PCDHA7: variants seen among roughly 807,000 people sequenced by gnomAD.
The protein encoded by PCDHA7 is protocadherin alpha 7.
A neutral mutation model predicts 57.2 loss-of-function variants in PCDHA7; 37 were observed. The observed-to-expected ratio is 0.65, with a 90% CI of 0.50 to 0.85. The LOEUF (loss-of-function observed/expected upper bound fraction) is 0.85, where lower values mean the gene tolerates loss of function less well. PCDHA7 is among the 40% of genes least tolerant of loss of function. The pLI is 0.00. For synonymous variants in PCDHA7, 553 were observed against 558.8 expected, an observed-to-expected ratio of 0.99 and a Z score of 0.15; for missense variants, 1,188 against 1,241.8, an observed-to-expected ratio of 0.96 and a Z score of 0.65.
At chr5:140,842,696 G>C in intron 1 of PCDHA7, 1 of 1,595,300 alleles carries the variant, frequency 6.3e-7, no homozygotes, top group Non-Finnish European at 8.6e-7. Context: ...CGCGCAGCCC[G>C]AGTACACGGT....
intron 1 of PCDHA7, chr5:140,876,391 G>T: frequency 6.2e-7 from 1 of 1,613,920 alleles, no homozygotes; most frequent in South Asian, 1.1e-5. Context: ...AATTTATGGT[G>T]AACTGGATTT....
In PCDHA7 at chr5:140,842,523, T is replaced by A. The variant is rs201459051; in HGVS notation, c.2355+5785T>A. The A allele has an allele frequency of 5.0e-5, 81 of 1,613,306 alleles. 4 individuals are homozygous for A. Among genetic ancestry groups the A allele is most frequent in the Non-Finnish European group, 3.3e-5 (39 of 1,179,452 alleles). ...GTCCCCTTCAAGCTGGTGTCCACCT[T>A]CAAGAATTACTACTCGTTGGTGCTG... On this transcript the variant is annotated intron_variant, in intron 1 of 3. Coordinates refer to ENST00000525929, the MANE Select transcript of PCDHA7 (RefSeq NM_018910.3).
intron 1 of PCDHA7, among the ~76,000 whole-genome samples, chr5:140,962,849 T>G (rs1434907172): frequency 6.6e-6 from 1 of 152,214 alleles, no homozygotes; most frequent in Non-Finnish European, 1.5e-5. Context: ...ATATAACTTG[T>G]GCTCGGTTTG....
intron 1 of PCDHA7, chr5:140,870,784 G>A: frequency 6.2e-7 from 1 of 1,613,574 alleles, no homozygotes; most frequent in South Asian, 1.1e-5. Context: ...GAACGACAAC[G>A]CGCCGGCACT....
At chr5:141,005,352 GGAATGTCATA>G (rs1261780276) in intron 3 of PCDHA7, among the ~76,000 whole-genome samples, 2 of 152,178 alleles carry the variant, frequency 1.3e-5, no homozygotes, top group Non-Finnish European at 2.9e-5. Flanking sequence ...TGCTTGGCTA[GGAATGTCATA>G]GAATGCCTTT....
chr5:140,967,340 C>G, intron 1 of PCDHA7: 1 of 1,607,862 alleles, frequency 6.2e-7, no homozygotes. Flanking sequence ...CCCCAGCGAG[C>G]ACTTCGAGCT....
rs2150222134 is a variant in PCDHA7 at position 140,834,589 on chromosome 5, A to G, written c.206A>G (p.Lys69Arg). The G allele has an allele frequency of 1.2e-6, 2 of 1,614,090 alleles. No homozygotes were observed. Among genetic ancestry groups the G allele is most frequent in the South Asian group, 1.1e-5 (1 of 91,086 alleles). ...LVPRLFRAVCKFRGDLLEVNL... is the reference protein window; with the variant it reads ...LVPRLFRAVCRFRGDLLEVNL... ...CCGCGCCTGTTCCGGGCGGTGTGCA[A>G]ATTCCGTGGGGATCTTCTGGAGGTA... The change falls in exon 1 of 4, where the codon AAA becomes AGA. Residue 69 changes from lysine to arginine, a missense_variant. Physicochemically the swap from Lys to Arg is conservative, Grantham distance 26 (BLOSUM62 2). Coordinates refer to ENST00000525929, the MANE Select transcript of PCDHA7 (RefSeq NM_018910.3).
At position 140,878,967 on chromosome 5, in the gene PCDHA7, C is replaced by T. The variant is rs562198206; in HGVS notation, c.2355+42229C>T. On this transcript the variant is annotated intron_variant, in intron 1 of 3. Coordinates refer to ENST00000525929, the MANE Select transcript of PCDHA7 (RefSeq NM_018910.3). ...ATGGTATTGAAATGTATTACCTGGA[C>T]ATTCCCCTCTATCTTAGAAATGAGA... Among the ~76,000 whole-genome samples, 52 of 152,298 alleles carry T rather than the reference C, an allele frequency of 3.4e-4. No individual in the cohort carries two copies. The South Asian group carries it at 0.01, about 30-fold the overall frequency.
At chr5:140,872,336 A>G (rs1554166138) in intron 1 of PCDHA7, among the ~76,000 whole-genome samples, 1 of 152,144 alleles carries the variant, frequency 6.6e-6, no homozygotes, top group African/African-American at 2.4e-5. Context: ...CTAAAATTCT[A>G]CATGTTCTTG....
At chr5:140,967,749 C>T (rs1554229896) in intron 1 of PCDHA7, 1 of 1,614,172 alleles carries the variant, frequency 6.2e-7, no homozygotes, top group African/African-American at 1.3e-5. Context: ...TATGAGGAAG[C>T]CTCCTCCTAC....
intron 1 of PCDHA7, chr5:140,841,972 G>A: frequency 6.2e-7 from 1 of 1,613,874 alleles, no homozygotes; most frequent in East Asian, 2.2e-5. Context: ...CCACAGATGG[G>A]GGCAAACCTG....
In PCDHA7 at chr5:140,870,563, C is replaced by G. The variant is rs1333019449; in HGVS notation, c.2355+33825C>G. The G allele has an allele frequency of 6.2e-6, 10 of 1,613,994 alleles. No individual in the cohort carries two copies. Among genetic ancestry groups the G allele is most frequent in the Non-Finnish European group, 8.5e-6 (10 of 1,179,984 alleles). ...CGGGACGCGGACGCGCAGGAGAACG[C>G]GCTGGTGTCCTACTCGCTGGTGGAG... On this transcript the variant is annotated intron_variant, in intron 1 of 3. Transcript: ENST00000525929.
chr5:140,868,478 A>AT (rs1444050987), intron 1 of PCDHA7: 1 of 152,364 alleles, frequency 6.6e-6, no homozygotes, highest in Admixed American at 6.5e-5. Context: ...TAAAACTTCA[A>AT]TTTTTTCTTT....
At chr5:140,967,046 C>G in intron 1 of PCDHA7, 1 of 1,612,334 alleles carries the variant, frequency 6.2e-7, no homozygotes, top group Non-Finnish European at 8.5e-7. Context: ...GGAGCTGGAC[C>G]TGACGAGTGG....
intron 1 of PCDHA7, chr5:140,862,703 A>G (rs2047499886): frequency 3.6e-6 from 2 of 558,206 alleles, no homozygotes; most frequent in East Asian, 4.9e-5. Flanking sequence ...TTGATGGAAC[A>G]GCGGGTGGGC....
chr5:140,856,441 G>T, intron 1 of PCDHA7: 1 of 1,598,410 alleles, frequency 6.3e-7, no homozygotes, highest in East Asian at 2.2e-5. Flanking sequence ...ACCCGCCCAG[G>T]TTCTCCGTAA....
chr5:140,890,319 A>C (rs2062592452), intron 1 of PCDHA7, among the ~76,000 whole-genome samples: 1 of 152,206 alleles, frequency 6.6e-6, no homozygotes, highest in Admixed American at 6.5e-5. Context: ...AGTTGTTTTA[A>C]GATATTAGGT....
At position 140,834,566 on chromosome 5, in the gene PCDHA7, G is replaced by C; in HGVS notation, c.183G>C (p.Pro61=). ...GGCTGGAGCTGGCGGAGCTGGTGCC[G>C]CGCCTGTTCCGGGCGGTGTGCAAAT... The part of the protein sequence containing the change: ...DLGLELAELV[P]RLFRAVCKFR... Residue 61 remains proline, a synonymous_variant, in exon 1 of 4, where the codon CCG becomes CCC. Coordinates refer to ENST00000525929, the MANE Select transcript of PCDHA7 (RefSeq NM_018910.3). 1 of 1,614,096 alleles carries C rather than the reference G, an allele frequency of 6.2e-7. No homozygotes were observed. Among genetic ancestry groups the C allele is most frequent in the Non-Finnish European group, 8.5e-7 (1 of 1,180,036 alleles).
At chr5:140,982,415 A>C (rs1291195577) in intron 2 of PCDHA7, 60 bp from the exon 3 acceptor site, 1 of 1,610,020 alleles carries the variant, frequency 6.2e-7, no homozygotes, top group African/African-American at 1.3e-5. Flanking sequence ...CTGAGGGTGG[A>C]AGAAGAGATG....
Sources: gnomAD v4.1 joint callset for allele counts (sites outside exome capture counted in the v4.1 genomes callset) on GRCh38, gnomAD v4.1.1 for gene constraint, MANE v1.5 for transcripts, NCBI Gene and HGNC (gene_info 2026-07-23, HGNC 2026-07-21) for gene names.